VPS29: variants seen among roughly 807,000 people sequenced by gnomAD.
VPS29 encodes VPS29 retromer complex component, also known as vacuolar protein sorting-associated protein 29.
Under a neutral mutation model 20.0 loss-of-function variants are expected in VPS29, and 2 were observed. That is an observed-to-expected ratio of 0.10 (90% CI 0.04 to 0.31). The LOEUF is 0.31. VPS29 is among the 10% of genes least tolerant of loss of function. The pLI, the probability that VPS29 is intolerant of heterozygous loss-of-function variation, is 1.00. For missense variants in VPS29, 120 were observed against 215.3 expected, an observed-to-expected ratio of 0.56 and a Z score of 2.77; for synonymous variants, 81 against 79.3, an observed-to-expected ratio of 1.02 and a Z score of -0.12.
chr12:110,498,549 A>G (rs935981336), intron 1 of VPS29, among the ~76,000 whole-genome samples: 5 of 152,246 alleles, frequency 3.3e-5, no homozygotes, highest in African/African-American at 9.6e-5. Flanking sequence ...TCTTGCAACA[A>G]AAATTAAAAT....
intron 2 of VPS29, among the ~76,000 whole-genome samples, chr12:110,494,607 T>C (rs1190187861): frequency 2.6e-5 from 4 of 152,002 alleles, no homozygotes; most frequent in African/African-American, 9.7e-5. Flanking sequence ...CCATACAATG[T>C]TGGCACTGGC....
chr12:110,499,970 CA>C (rs1170418423), intron 1 of VPS29, among the ~76,000 whole-genome samples: 1 of 152,156 alleles, frequency 6.6e-6, no homozygotes, highest in Non-Finnish European at 1.5e-5. Flanking sequence ...GAAAGGCTAA[CA>C]TTTTCTGGAT....
intron 3 of VPS29, 46 bp from the exon 4 acceptor site, chr12:110,492,168 G>T: frequency 7.2e-7 from 1 of 1,388,028 alleles, no homozygotes; most frequent in Non-Finnish European, 1.0e-6. Context: ...GCACAAAGCA[G>T]CAGCACTATA....
At chr12:110,495,015 C>T (rs118053970) in intron 2 of VPS29, among the ~76,000 whole-genome samples, 7 of 152,302 alleles carry the variant, frequency 4.6e-5, no homozygotes, top group South Asian at 2.1e-4. Context: ...CCACCGTACC[C>T]GGCCCAGAAC....
intron 2 of VPS29, 119 bp from the exon 3 acceptor site, chr12:110,493,350 A>C: frequency 2.3e-5 from 14 of 621,662 alleles, no homozygotes; most frequent in Non-Finnish European, 3.1e-5. Context: ...CCCACAACAC[A>C]CACATTTATA....
intron 1 of VPS29, chr12:110,499,441 CTTCCT>C (rs1365126579): frequency 7.7e-6 from 12 of 1,553,048 alleles, no homozygotes; most frequent in East Asian, 2.3e-5. Flanking sequence ...AATTCGGTTA[CTTCCT>C]TTCAACAGAC....
At chr12:110,500,622 T>C (rs988437480) in intron 1 of VPS29, among the ~76,000 whole-genome samples, 5 of 152,208 alleles carry the variant, frequency 3.3e-5, no homozygotes, top group African/African-American at 7.2e-5. Context: ...TAAAAATGCA[T>C]AGCTTCTTTG....
At chr12:110,500,449 C>T (rs991389105) in intron 1 of VPS29, among the ~76,000 whole-genome samples, 1 of 152,016 alleles carries the variant, frequency 6.6e-6, no homozygotes, top group Non-Finnish European at 1.5e-5. Context: ...ATAGGTGTCT[C>T]GAAATTACTG....
At chr12:110,500,640 T>C (rs1373594715) in intron 1 of VPS29, among the ~76,000 whole-genome samples, 1 of 152,198 alleles carries the variant, frequency 6.6e-6, no homozygotes, top group Non-Finnish European at 1.5e-5. Flanking sequence ...TTGGTTTCCT[T>C]GTAAAAATAA....
intron 2 of VPS29, among the ~76,000 whole-genome samples, chr12:110,495,203 A>G (rs1210455389): frequency 6.6e-6 from 1 of 152,204 alleles, no homozygotes; most frequent in Non-Finnish European, 1.5e-5. Context: ...CATGCCCTAT[A>G]AAGTCAGCCT....
Position 110,496,053 on chromosome 12 carries a change from G to C in VPS29, c.154C>G (p.Leu52Val). The C allele has an allele frequency of 6.2e-7, 1 of 1,606,568 alleles. No individual in the cohort carries two copies. Among genetic ancestry groups the C allele is most frequent in the South Asian group, 1.1e-5 (1 of 90,652 alleles). The change falls in exon 2 of 4, where the codon CTG (leucine) becomes GTG (valine). Residue 52 changes from leucine to valine, a missense_variant. Transcript: ENST00000549578. ...TKESYDYLKTLAGDVHIVRGD... is the reference protein window; with the variant it reads ...TKESYDYLKTVAGDVHIVRGD... ...CTCACAATATGAACATCACCAGCCAGAGTCTTGAGATAGTCATAACTCTCT... is the reference window on the plus strand; with the variant it reads ...CTCACAATATGAACATCACCAGCCACAGTCTTGAGATAGTCATAACTCTCT...
intron 1 of VPS29, chr12:110,499,639 CCA>C: frequency 1.1e-6 from 1 of 896,640 alleles, no homozygotes; most frequent in Non-Finnish European, 1.7e-6. Flanking sequence ...CAAAAAGAAA[CCA>C]AAAAAAAAAA....
intron 1 of VPS29, chr12:110,501,607 G>A (rs892554341): frequency 1.3e-6 from 2 of 1,534,904 alleles, no homozygotes; most frequent in Non-Finnish European, 8.7e-7. Context: ...GCTACTTCCT[G>A]TTCTGCATTC....
intron 1 of VPS29, 25 bp downstream of exon 1, chr12:110,502,024 T>C (rs749457529): frequency 6.2e-7 from 1 of 1,612,676 alleles, no homozygotes; most frequent in South Asian, 1.1e-5. Flanking sequence ...AGCCAGGCCT[T>C]GGTCGCCGCA....
chr12:110,493,446 G>A (rs578214630), intron 2 of VPS29, among the ~76,000 whole-genome samples: 1 of 150,282 alleles, frequency 6.7e-6, no homozygotes, highest in African/African-American at 2.5e-5. Context: ...TGTAACCTCC[G>A]CCTGCCAGGT....
At chr12:110,492,969 C>T in intron 3 of VPS29, 27 bp downstream of exon 3, 4 of 1,567,226 alleles carry the variant, frequency 2.6e-6, no homozygotes, top group Non-Finnish European at 3.5e-6. Context: ...CTAAAGCCCC[C>T]AAATTCCCAA....
At chr12:110,495,577 G>A (rs1324965761) in intron 2 of VPS29, among the ~76,000 whole-genome samples, 3 of 152,032 alleles carry the variant, frequency 2.0e-5, no homozygotes, top group Non-Finnish European at 2.9e-5. Flanking sequence ...ATGTGATGGT[G>A]TGTGCCTGTA....
chr12:110,501,148 A>C (rs985534927), intron 1 of VPS29, among the ~76,000 whole-genome samples: 1 of 152,198 alleles, frequency 6.6e-6, no homozygotes, highest in African/African-American at 2.4e-5. Flanking sequence ...ATTGCACTCC[A>C]GCCTGGGCGA....
At chr12:110,497,240 G>A (rs1244767678) in intron 1 of VPS29, among the ~76,000 whole-genome samples, 49 of 121,580 alleles carry the variant, frequency 4.0e-4, no homozygotes, top group Non-Finnish European at 1.5e-4. Context: ...TTTTTGAGAC[G>A]GAGTCTCACT....
Sources: gnomAD v4.1 joint callset for allele counts (sites outside exome capture counted in the v4.1 genomes callset) on GRCh38, gnomAD v4.1.1 for gene constraint, MANE v1.5 for transcripts, NCBI Gene and HGNC (gene_info 2026-07-23, HGNC 2026-07-21) for gene names.